The following GRIP1 variants were observed in gnomAD, a reference collection of about 807,000 sequenced individuals.
GRIP1 encodes the protein glutamate receptor interacting protein 1, also known as glutamate receptor-interacting protein 1.
Under a neutral mutation model 129.9 loss-of-function variants are expected in GRIP1, and 45 were observed. That is an observed-to-expected ratio of 0.35 (90% CI 0.27 to 0.44). GRIP1 has a LOEUF of 0.44. GRIP1 is among the 20% of genes least tolerant of loss of function. GRIP1 has a pLI of 1.00. For synonymous variants in GRIP1, 530 were observed against 520.8 expected, an observed-to-expected ratio of 1.02 and a Z score of -0.24; for missense variants, 1,196 against 1,396.8, an observed-to-expected ratio of 0.86 and a Z score of 2.29.
intron 1 of GRIP1, among the ~76,000 whole-genome samples, chr12:66,927,209 C>G (rs1216155823): frequency 4.6e-5 from 7 of 152,182 alleles, no homozygotes; most frequent in Admixed American, 4.6e-4. Context: ...CTGTGAGCTA[C>G]TGTTATACAT....
chr12:66,366,710 G>A (rs570825188), intron 23 of GRIP1, among the ~76,000 whole-genome samples: 2 of 152,320 alleles, frequency 1.3e-5, no homozygotes, highest in East Asian at 3.9e-4. Flanking sequence ...AAGAGAGGGA[G>A]TCTTGCTCTG....
intron 1 of GRIP1, among the ~76,000 whole-genome samples, chr12:66,691,573 C>T (rs922484342): frequency 4.6e-5 from 7 of 152,228 alleles, no homozygotes; most frequent in East Asian, 1.9e-4. Context: ...GCCTGGAATT[C>T]GACAATGCTC....
intron 1 of GRIP1, among the ~76,000 whole-genome samples, chr12:66,732,133 G>A (rs1409984177): frequency 6.6e-6 from 1 of 151,928 alleles, no homozygotes; most frequent in Non-Finnish European, 1.5e-5. Context: ...AGTTACACCT[G>A]CTCCTCTTGC....
chr12:66,793,692 A>T (rs1407632438), intron 1 of GRIP1, among the ~76,000 whole-genome samples: 2 of 152,184 alleles, frequency 1.3e-5, no homozygotes, highest in African/African-American at 4.8e-5. Context: ...TGCCATCATG[A>T]AGGCACAGTT....
At chr12:66,796,483 T>C (rs184872796) in intron 1 of GRIP1, among the ~76,000 whole-genome samples, 13 of 152,282 alleles carry the variant, frequency 8.5e-5, no homozygotes, top group African/African-American at 2.6e-4. Context: ...ATCTCTTCAA[T>C]CAGGGTCATC....
intron 1 of GRIP1, among the ~76,000 whole-genome samples, chr12:66,757,954 AT>A (rs1262397674): frequency 6.6e-6 from 1 of 152,236 alleles, no homozygotes; most frequent in East Asian, 1.9e-4. Context: ...TCATTGATGC[AT>A]AAAAAATCTT....
chr12:66,965,005 T>C (rs2041975311), intron 1 of GRIP1, among the ~76,000 whole-genome samples: 1 of 152,150 alleles, frequency 6.6e-6, no homozygotes, highest in African/African-American at 2.4e-5. Flanking sequence ...AAAGGCTTCA[T>C]TTTTAACTTA....
intron 1 of GRIP1, among the ~76,000 whole-genome samples, chr12:67,048,513 T>A (rs1168575951): frequency 2.0e-5 from 3 of 152,024 alleles, no homozygotes; most frequent in Non-Finnish European, 4.4e-5. Context: ...AAGGCTAGAG[T>A]GCAGTTGCTC....
chr12:66,686,667 C>T (rs768042192), intron 1 of GRIP1, among the ~76,000 whole-genome samples: 1 of 151,550 alleles, frequency 6.6e-6, no homozygotes, highest in African/African-American at 2.4e-5. Context: ...AAACTAACTA[C>T]AAGACCTTCT....
intron 1 of GRIP1, among the ~76,000 whole-genome samples, chr12:66,640,761 T>G (rs2031851030): frequency 6.6e-6 from 1 of 152,258 alleles, no homozygotes; most frequent in Admixed American, 6.5e-5. Flanking sequence ...AAAGCCATTC[T>G]GGGTTTTGTC....
chr12:66,477,239 C>G (rs1016912001), intron 7 of GRIP1, among the ~76,000 whole-genome samples: 1 of 152,048 alleles, frequency 6.6e-6, no homozygotes, highest in South Asian at 2.1e-4. Flanking sequence ...CAATAACAGA[C>G]AAACAGAGAG....
intron 1 of GRIP1, among the ~76,000 whole-genome samples, chr12:66,888,119 G>A (rs1860037014): frequency 6.6e-6 from 1 of 152,028 alleles, no homozygotes; most frequent in African/African-American, 2.4e-5. Context: ...GTGCAGTAGT[G>A]CAATCACCAC....
rs367863335 is a variant in GRIP1, at chr12:66,657,852, C to T, written c.55+20998G>A. Among the ~76,000 whole-genome samples, 145 of 152,192 alleles carry T rather than the reference C, an allele frequency of 9.5e-4. 1 individual carries two copies. Among genetic ancestry groups the T allele is most frequent in the African/African-American group, 3.4e-3 (140 of 41,524 alleles). On this transcript the variant is annotated intron_variant, in intron 1 of 24. Coordinates refer to ENST00000359742, the MANE Select transcript of GRIP1 (RefSeq NM_001366722.1). ...CACGATGGCCGTAATGTCTCCAAGG[C>T]GACAGGAGGGATTCTATTTTAGGGG... is the stretch of plus-strand genomic sequence containing the variant.
At chr12:66,595,282 T>G (rs774768312) in intron 2 of GRIP1, among the ~76,000 whole-genome samples, 4 of 152,232 alleles carry the variant, frequency 2.6e-5, no homozygotes, top group Non-Finnish European at 5.9e-5. Flanking sequence ...GGGATTATGA[T>G]GAACCAATTC....
chr12:66,948,151 T>C (rs1592380016), intron 1 of GRIP1, among the ~76,000 whole-genome samples: 1 of 152,238 alleles, frequency 6.6e-6, no homozygotes, highest in Non-Finnish European at 1.5e-5. Flanking sequence ...AAAGTTTACA[T>C]TCAAAGAATG....
intron 1 of GRIP1, among the ~76,000 whole-genome samples, chr12:66,647,081 G>A (rs2032430352): frequency 6.6e-6 from 1 of 152,208 alleles, no homozygotes; most frequent in South Asian, 2.1e-4. Context: ...AACTCCAGCT[G>A]TGGATTCTGA....
intron 1 of GRIP1, among the ~76,000 whole-genome samples, chr12:66,948,747 A>T (rs1322526670): frequency 6.6e-6 from 1 of 152,250 alleles, no homozygotes; most frequent in African/African-American, 2.4e-5. Context: ...AAATGGAAGA[A>T]GAGAAAGAAA....
At chr12:66,845,384 G>T (rs2039795394) in intron 1 of GRIP1, among the ~76,000 whole-genome samples, 1 of 152,138 alleles carries the variant, frequency 6.6e-6, no homozygotes, top group South Asian at 2.1e-4. Flanking sequence ...TTGAACCTTG[G>T]AGGCAGAGGT....
intron 7 of GRIP1, among the ~76,000 whole-genome samples, chr12:66,486,082 G>T (rs11176226): frequency 0.046 from 7,010 of 151,984 alleles, 410 homozygotes; most frequent in African/African-American, 0.13. Flanking sequence ...CTTTAAGACT[G>T]CCCTGACTTT....
Sources: gnomAD v4.1 joint callset for allele counts (sites outside exome capture counted in the v4.1 genomes callset) on GRCh38, gnomAD v4.1.1 for gene constraint, MANE v1.5 for transcripts, NCBI Gene and HGNC (gene_info 2026-07-23, HGNC 2026-07-21) for gene names.